The following HS6ST2 variants were observed in gnomAD, a reference collection of about 807,000 sequenced individuals.
HS6ST2 encodes the protein heparan sulfate 6-O-sulfotransferase 2.
A neutral mutation model predicts 33.0 loss-of-function variants in HS6ST2; 17 were observed. That is an observed-to-expected ratio of 0.52 (90% confidence interval 0.35 to 0.77). The LOEUF is 0.77. Among genes scored for constraint, HS6ST2 ranks in the 30% least tolerant of loss-of-function variants. The pLI is 0.01. For missense variants in HS6ST2, 519 were observed against 551.7 expected (o/e 0.94, Z 0.59); for synonymous variants, 248 against 237.1 (o/e 1.05, Z -0.42).
intron 2 of HS6ST2, among the ~76,000 whole-genome samples, chrX:132,821,473 A>C (rs1476885651): frequency 9.1e-6 from 1 of 109,323 alleles, no homozygotes; most frequent in Non-Finnish European, 1.9e-5. Flanking sequence ...CGGCCTCCCA[A>C]AGTGCTGGGA....
In HS6ST2 at chrX:132,956,862, C is replaced by T. The variant is rs1206275670; in HGVS notation, c.893G>A (p.Ser298Asn). 1.7e-6 allele frequency: 2 copies of T among 1,186,227 alleles called. No homozygotes were observed. Among genetic ancestry groups the T allele is most frequent in the Admixed American group, 4.7e-5 (2 of 42,400 alleles). Residue 298 changes from serine to asparagine, a missense_variant, in exon 2 of 5, where the codon AGC (serine) becomes AAC (asparagine). By Grantham distance (46) the Ser-to-Asn change is conservative. Coordinates refer to ENST00000370833, the MANE Select transcript of HS6ST2 (RefSeq NM_001394073.1). ...GCCGTCCACCACGGAGGGCACACAG[C>T]TGGTGAGCTCGGTCCAGTCGGCGTG... ...GLHADWTELT[S>N]CVPSVVDGKR...
intron 2 of HS6ST2, among the ~76,000 whole-genome samples, chrX:132,811,004 A>C (rs1199138345): frequency 8.9e-6 from 1 of 112,155 alleles, no homozygotes; most frequent in Non-Finnish European, 1.9e-5. Context: ...TATATAGCAC[A>C]AACTAGCTGA....
chrX:132,915,079 G>A (rs1351616282), intron 2 of HS6ST2, among the ~76,000 whole-genome samples: 1 of 112,304 alleles, frequency 8.9e-6, no homozygotes, highest in Non-Finnish European at 1.9e-5. Context: ...ATTACCCAAA[G>A]CAGCAGCTAA....
chrX:132,852,725 C>T (rs1180532645), intron 2 of HS6ST2, among the ~76,000 whole-genome samples: 3 of 112,005 alleles, frequency 2.7e-5, no homozygotes, highest in African/African-American at 6.5e-5. Flanking sequence ...TATAGAATTC[C>T]GATTATGGCC....
intron 2 of HS6ST2, among the ~76,000 whole-genome samples, chrX:132,807,074 G>A (rs1378517193): frequency 3.6e-5 from 4 of 110,005 alleles, no homozygotes; most frequent in East Asian, 5.6e-4. Flanking sequence ...AAGTATTTGC[G>A]GTTACTTTTA....
chrX:132,642,807 T>A (rs771913654), intron 4 of HS6ST2, among the ~76,000 whole-genome samples: 1 of 112,379 alleles, frequency 8.9e-6, no homozygotes, highest in African/African-American at 3.2e-5. Flanking sequence ...GAAGGAATTA[T>A]TTTGAAGGTT....
intron 2 of HS6ST2, among the ~76,000 whole-genome samples, chrX:132,920,089 G>C (rs1218848772): frequency 9.0e-6 from 1 of 111,544 alleles, no homozygotes; most frequent in South Asian, 3.8e-4. Context: ...GGAGGTAGAC[G>C]GTGGGGGGCT....
chrX:132,814,823 A>C (rs1042980923), intron 2 of HS6ST2, among the ~76,000 whole-genome samples: 2 of 112,087 alleles, frequency 1.8e-5, no homozygotes, highest in Non-Finnish European at 3.8e-5. Flanking sequence ...AGCCTTTCCC[A>C]AACCATGGCA....
intron 2 of HS6ST2, among the ~76,000 whole-genome samples, chrX:132,732,494 C>G (rs1269926009): frequency 8.9e-6 from 1 of 111,756 alleles, no homozygotes; most frequent in Non-Finnish European, 1.9e-5. Flanking sequence ...CCATCCAAAT[C>G]TCACCTTGAA....
intron 4 of HS6ST2, chrX:132,668,528 G>A (rs975331756): frequency 3.6e-5 from 4 of 111,380 alleles, no homozygotes; most frequent in African/African-American, 6.5e-5. Flanking sequence ...ATCTAATATC[G>A]CAAATATTCA....
intron 4 of HS6ST2, among the ~76,000 whole-genome samples, chrX:132,656,121 T>C (rs773755628): frequency 9.0e-5 from 10 of 111,400 alleles, no homozygotes; most frequent in Non-Finnish European, 1.7e-4. Flanking sequence ...TTCCTCCAAG[T>C]GTTTCAGATT....
intron 3 of HS6ST2, among the ~76,000 whole-genome samples, chrX:132,693,084 C>T (rs1203354387): frequency 4.5e-5 from 5 of 112,227 alleles, no homozygotes; most frequent in East Asian, 2.8e-4. Context: ...TTCTTGGCCA[C>T]ACTCGTGATA....
chrX:132,944,784 G>A, intron 2 of HS6ST2, among the ~76,000 whole-genome samples: 1 of 110,311 alleles, frequency 9.1e-6, no homozygotes, highest in East Asian at 2.9e-4. Context: ...ATGGTGCTGG[G>A]AAAACTGGCT....
intron 2 of HS6ST2, among the ~76,000 whole-genome samples, chrX:132,721,801 T>C (rs376771890): frequency 2.7e-5 from 3 of 111,915 alleles, no homozygotes; most frequent in East Asian, 5.6e-4. Context: ...GTAGGTACTT[T>C]TAAATTTATG....
rs905325364 is a variant in HS6ST2, at chrX:132,708,389, GACAGGCA to G, written c.980+66_980+72del. 3 of 659,872 alleles carry G rather than the reference GACAGGCA, an allele frequency of 4.5e-6. No individual in the cohort carries two copies. In the African/African-American group the frequency reaches 7.3e-5, roughly 16 times the overall value. 54.4% of individuals were successfully genotyped at this position (659,872 alleles called of 1,213,427 possible). A position where few individuals can be genotyped will look rare whatever the true frequency, so the allele number is the denominator to read the frequency against. On this transcript the variant is annotated intron_variant, in intron 3 of 4. Transcript: ENST00000370833. Reference sequence around the variant, plus strand: ...CTATTTGTTGTACTGAAATTAAACGGACAGGCAACTGCAGAGTCTCTTTTTTCTAGCT... The same window carrying G: ...CTATTTGTTGTACTGAAATTAAACGGACTGCAGAGTCTCTTTTTTCTAGCT...
chrX:132,728,625 T>C (rs2064421965), intron 2 of HS6ST2, among the ~76,000 whole-genome samples: 1 of 112,034 alleles, frequency 8.9e-6, no homozygotes, highest in African/African-American at 3.2e-5. Context: ...GAGCCAAGCC[T>C]AGGAAAACCC....
chrX:132,705,391 C>T (rs1023548088), intron 3 of HS6ST2, among the ~76,000 whole-genome samples: 1 of 111,536 alleles, frequency 9.0e-6, no homozygotes, highest in African/African-American at 3.3e-5. Flanking sequence ...ATGGTGGTCA[C>T]AGGTAACCTT....
chrX:132,727,036 G>C (rs1190769982), intron 2 of HS6ST2, among the ~76,000 whole-genome samples: 2 of 110,549 alleles, frequency 1.8e-5, no homozygotes, highest in Non-Finnish European at 3.8e-5. Context: ...TTTGAAAAAA[G>C]TGTTTTTAGT....
intron 2 of HS6ST2, among the ~76,000 whole-genome samples, chrX:132,738,579 C>T (rs1274777339): frequency 1.8e-5 from 2 of 112,508 alleles, no homozygotes; most frequent in East Asian, 5.6e-4. Flanking sequence ...GTTGCAGAAA[C>T]GATATTGTAG....
Sources: gnomAD v4.1 joint callset for allele counts (sites outside exome capture counted in the v4.1 genomes callset) on GRCh38, gnomAD v4.1.1 for gene constraint, MANE v1.5 for transcripts, NCBI Gene and HGNC (gene_info 2026-07-23, HGNC 2026-07-21) for gene names.